Variants in NALCN observed in about 807,000 individuals in gnomAD.
NALCN encodes sodium leak channel, non-selective, also known as sodium leak channel NALCN.
In NALCN, 111 loss-of-function variants were observed where a neutral mutation model predicts 225.3. The observed-to-expected ratio is 0.49, with a 90% CI of 0.42 to 0.58. NALCN has a LOEUF of 0.58. Ranked by LOEUF, NALCN falls within the 20% of genes least tolerant of loss-of-function variation. The pLI is 0.00. For missense variants in NALCN, 1,378 were observed against 2,202.4 expected (o/e 0.63, Z 7.49); for synonymous variants, 764 against 769.0 (o/e 0.99, Z 0.11).
intron 13 of NALCN, among the ~76,000 whole-genome samples, chr13:101,207,559 T>C (rs1454803670): frequency 6.6e-6 from 1 of 152,224 alleles, no homozygotes; most frequent in Middle Eastern, 3.2e-3. Context: ...ATACATAGTA[T>C]TGAGACATGA....
At position 101,228,546 on chromosome 13, in the gene NALCN, C is replaced by G. The variant is rs185585372; in HGVS notation, c.1626+847G>C. Reference sequence around the variant, plus strand: ...TGATGGTTTTATAAGAGGTTTCCCCCTTTAGCTTGGCTCTCATTCTCTCTT... The same window carrying G: ...TGATGGTTTTATAAGAGGTTTCCCCGTTTAGCTTGGCTCTCATTCTCTCTT... On this transcript the variant is annotated intron_variant, in intron 13 of 43. Coordinates refer to ENST00000251127, the MANE Select transcript of NALCN (RefSeq NM_052867.4). Among the ~76,000 whole-genome samples, 4 of 152,144 alleles carry G rather than the reference C, an allele frequency of 2.6e-5. 1 individual carries two copies. Among genetic ancestry groups the G allele is most frequent in the African/African-American group, 9.7e-5 (4 of 41,424 alleles).
At chr13:101,328,748 A>G (rs2045054295) in intron 7 of NALCN, among the ~76,000 whole-genome samples, 1 of 152,194 alleles carries the variant, frequency 6.6e-6, no homozygotes, top group African/African-American at 2.4e-5. Flanking sequence ...TAGTCTTCCT[A>G]TGACACTCTG....
chr13:101,318,551 A>C (rs150336687), intron 7 of NALCN, among the ~76,000 whole-genome samples: 2,501 of 152,306 alleles, frequency 0.016, 25 homozygotes, highest in Middle Eastern at 0.034. Context: ...GCTATGGAAG[A>C]CCTATTTGAC....
At chr13:101,090,783 G>A (rs1330188228) in intron 28 of NALCN, among the ~76,000 whole-genome samples, 1 of 152,052 alleles carries the variant, frequency 6.6e-6, no homozygotes, top group African/African-American at 2.4e-5. Context: ...GCATAATGCT[G>A]GGGTTTGAGC....
Position 101,121,794 on chromosome 13 carries a change from C to T in NALCN, c.2192+2814G>A, listed in dbSNP as rs16958411. Among the ~76,000 whole-genome samples, 1,267 of 152,224 alleles carry T rather than the reference C, an allele frequency of 8.3e-3. 13 individuals carry two copies. The highest frequency in any genetic ancestry group is 0.029 in the African/African-American group (1,213 of 41,540). Reference sequence around the variant, plus strand: ...CCCCACTGCTAAGTTATCCAGGAACCTTGGCAGAGTTTAATCGACAGCAAG... The same window carrying T: ...CCCCACTGCTAAGTTATCCAGGAACTTTGGCAGAGTTTAATCGACAGCAAG... On this transcript the variant is annotated intron_variant, in intron 18 of 43. Transcript: ENST00000251127.
At chr13:101,075,404 G>A (rs906432280) in intron 35 of NALCN, among the ~76,000 whole-genome samples, 11 of 140,564 alleles carry the variant, frequency 7.8e-5, no homozygotes, top group Admixed American at 3.0e-4. Context: ...ACAGTGAGCC[G>A]AGATCCTGCC....
At chr13:101,399,417 T>C (rs1371434295) in intron 1 of NALCN, among the ~76,000 whole-genome samples, 4 of 152,196 alleles carry the variant, frequency 2.6e-5, no homozygotes, top group Non-Finnish European at 5.9e-5. Context: ...CTATTTAGAA[T>C]AGCTAGAGTA....
intron 18 of NALCN, among the ~76,000 whole-genome samples, chr13:101,124,254 G>A (rs2036122326): frequency 6.6e-6 from 1 of 152,010 alleles, no homozygotes; most frequent in Non-Finnish European, 1.5e-5. Flanking sequence ...TAATGAAAAA[G>A]TTTACCCTTT....
intron 11 of NALCN, among the ~76,000 whole-genome samples, chr13:101,249,007 G>C (rs1323390734): frequency 1.3e-5 from 2 of 152,054 alleles, no homozygotes; most frequent in Non-Finnish European, 2.9e-5. Flanking sequence ...TTAGTATCTC[G>C]AGTAAGGGTA....
chr13:101,398,741 G>GA (rs762493655), intron 2 of NALCN, among the ~76,000 whole-genome samples: 61 of 152,208 alleles, frequency 4.0e-4, no homozygotes, highest in Middle Eastern at 3.4e-3. Context: ...ATCAGCCTAA[G>GA]AAGTGGTATC....
chr13:101,227,985 G>A (rs1053151404), intron 13 of NALCN, among the ~76,000 whole-genome samples: 3 of 152,114 alleles, frequency 2.0e-5, no homozygotes, highest in Admixed American at 6.5e-5. Context: ...ACTTTTCCAT[G>A]CCTGGGAATC....
chr13:101,059,553 T>C (rs1187267743), intron 42 of NALCN, among the ~76,000 whole-genome samples: 1 of 152,156 alleles, frequency 6.6e-6, no homozygotes, highest in African/African-American at 2.4e-5. Context: ...TACAGAATTA[T>C]GAAGTTCAGG....
At chr13:101,369,333 T>G (rs2046473192) in intron 6 of NALCN, among the ~76,000 whole-genome samples, 1 of 152,142 alleles carries the variant, frequency 6.6e-6, no homozygotes, top group Non-Finnish European at 1.5e-5. Context: ...ATTTTTAGGA[T>G]AAAGTAATGA....
intron 3 of NALCN, among the ~76,000 whole-genome samples, chr13:101,390,529 T>C (rs1307121984): frequency 6.6e-6 from 1 of 151,998 alleles, no homozygotes; most frequent in Non-Finnish European, 1.5e-5. Flanking sequence ...ATAAAATAAA[T>C]ATCACATGAT....
chr13:101,265,344 A>G (rs2140237126), intron 10 of NALCN, among the ~76,000 whole-genome samples: 1 of 152,264 alleles, frequency 6.6e-6, no homozygotes, highest in Non-Finnish European at 1.5e-5. Flanking sequence ...ACAGATATAA[A>G]ACTCATAACA....
At chr13:101,375,249 T>C (rs1224458683) in intron 6 of NALCN, among the ~76,000 whole-genome samples, 1 of 152,184 alleles carries the variant, frequency 6.6e-6, no homozygotes, top group East Asian at 1.9e-4. Flanking sequence ...TATGTGCTGG[T>C]TACTTTGCTT....
At chr13:101,233,475 G>A (rs1249147745) in intron 12 of NALCN, among the ~76,000 whole-genome samples, 2 of 151,738 alleles carry the variant, frequency 1.3e-5, no homozygotes, top group Non-Finnish European at 2.9e-5. Flanking sequence ...CAAGTAGCTG[G>A]GACTACAGGC....
At chr13:101,122,033 T>G (rs1336978441) in intron 18 of NALCN, among the ~76,000 whole-genome samples, 1 of 151,972 alleles carries the variant, frequency 6.6e-6, no homozygotes, top group African/African-American at 2.4e-5. Flanking sequence ...AAAAACAGTA[T>G]AAAACAATAC....
chr13:101,385,001 CA>C (rs1335219747), intron 3 of NALCN, among the ~76,000 whole-genome samples: 2 of 152,196 alleles, frequency 1.3e-5, no homozygotes, highest in African/African-American at 4.8e-5. Flanking sequence ...GTGAACTATT[CA>C]AACACAAATC....
Sources: gnomAD v4.1 joint callset for allele counts (sites outside exome capture counted in the v4.1 genomes callset) on GRCh38, gnomAD v4.1.1 for gene constraint, MANE v1.5 for transcripts, NCBI Gene and HGNC (gene_info 2026-07-23, HGNC 2026-07-21) for gene names.